MTMR7: variants seen among roughly 807,000 people sequenced by gnomAD.
The protein encoded by MTMR7 is myotubularin related protein 7.
Under a neutral mutation model 81.2 loss-of-function variants are expected in MTMR7, and 76 were observed. The ratio of observed to expected loss-of-function variants is 0.94; its 90% confidence interval spans 0.78 to 1.13. The LOEUF (loss-of-function observed/expected upper bound fraction) is 1.13. MTMR7 is among the 50% of genes most tolerant of loss of function. MTMR7 has a pLI of 0.00. For synonymous variants in MTMR7, 372 were observed against 289.8 expected (o/e 1.28, Z -2.88); for missense variants, 1,044 against 820.0 (o/e 1.27, Z -3.34).
At chr8:17,321,606 T>C (rs757026555) in intron 7 of MTMR7, among the ~76,000 whole-genome samples, 22 of 152,238 alleles carry the variant, frequency 1.4e-4, no homozygotes, top group Admixed American at 7.2e-4. Context: ...TTTTTAAATA[T>C]AAAACTGTTG....
intron 1 of MTMR7, among the ~76,000 whole-genome samples, chr8:17,390,084 A>G (rs11203850): frequency 1.4e-4 from 21 of 151,426 alleles, no homozygotes; most frequent in Non-Finnish European, 2.1e-4. Context: ...AAAAAAAAAA[A>G]AAAAGAAATC....
rs200314031 is a variant in MTMR7, at chr8:17,300,227, A to C, written c.1621-3T>G. Reference sequence around the variant, plus strand: ...ACCTTTTGAATTTTTTCCAGCCTCTAAGAAAGAAATAACAATTTCAGGGGA... The same window carrying C: ...ACCTTTTGAATTTTTTCCAGCCTCTCAGAAAGAAATAACAATTTCAGGGGA... On this transcript the variant is annotated splice_region_variant and splice_polypyrimidine_tract_variant and intron_variant, in intron 13 of 13. Transcript: ENST00000180173. The C allele has an allele frequency of 6.3e-7, 1 of 1,596,466 alleles. No individual in the cohort carries two copies.
In MTMR7 at chr8:17,322,950, C is replaced by CTTT. The variant is rs58584179; in HGVS notation, c.865+8197_865+8199dup. Among the ~76,000 whole-genome samples the CTTT allele has an allele frequency of 8.3e-4, 104 of 125,752 alleles. 1 individual carries two copies. The highest frequency in any genetic ancestry group is 2.5e-3 in the African/African-American group (79 of 31,862). 82.5% of individuals were successfully genotyped at this position (125,752 alleles called of 152,430 possible). A position where few individuals can be genotyped will look rare whatever the true frequency, so the allele number is the denominator to read the frequency against. On this transcript the variant is annotated intron_variant, in intron 7 of 13. Coordinates refer to ENST00000180173, the MANE Select transcript of MTMR7 (RefSeq NM_004686.5). The stretch of plus-strand genomic sequence containing the variant: ...TCCCATCTAGAGTGGATTGAATTAT[C>CTTT]TTTTTTTTTTTTTTTTTGAGACAGT...
intron 9 of MTMR7, among the ~76,000 whole-genome samples, chr8:17,310,892 T>C (rs1007428844): frequency 2.0e-5 from 3 of 148,832 alleles, no homozygotes; most frequent in African/African-American, 7.8e-5. Flanking sequence ...TAGTGAAAAC[T>C]TCACCATCCC....
chr8:17,382,995 T>A (rs1820806219), intron 1 of MTMR7, among the ~76,000 whole-genome samples: 1 of 151,660 alleles, frequency 6.6e-6, no homozygotes, highest in Non-Finnish European at 1.5e-5. Context: ...GGACAGAATG[T>A]CTTGAGAGCG....
At chr8:17,385,570 C>T (rs543842581) in intron 1 of MTMR7, among the ~76,000 whole-genome samples, 1 of 152,368 alleles carries the variant, frequency 6.6e-6, no homozygotes, top group African/African-American at 2.4e-5. Flanking sequence ...CCATGTAGAA[C>T]TGTGAGTCCA....
chr8:17,351,065 C>T (rs894114413), intron 4 of MTMR7, among the ~76,000 whole-genome samples: 3 of 152,178 alleles, frequency 2.0e-5, no homozygotes, highest in East Asian at 1.9e-4. Context: ...AAGACTATGA[C>T]GTGGACCACA....
In MTMR7 at chr8:17,309,026, A is replaced by C. The variant is rs1195603021; in HGVS notation, c.1151+251T>G. On this transcript the variant is annotated intron_variant, in intron 10 of 13. Transcript: ENST00000180173. The stretch of plus-strand genomic sequence containing the variant: ...AGGAAGGGAAGGCTGATCCTCACTA[A>C]GACAATGAACAAGCATTCTCTGTCT... Among the ~76,000 whole-genome samples, 86 of 152,246 alleles carry C rather than the reference A, an allele frequency of 5.6e-4. 2 individuals carry two copies. The highest frequency in any genetic ancestry group is 2.9e-5 in the Non-Finnish European group (2 of 68,042).
intron 7 of MTMR7, among the ~76,000 whole-genome samples, chr8:17,328,451 T>C (rs1280550742): frequency 6.6e-6 from 1 of 151,446 alleles, no homozygotes; most frequent in Middle Eastern, 3.2e-3. Context: ...TTATCCTCAG[T>C]AAACTAACTC....
chr8:17,413,166 G>A (rs932889979), intron 1 of MTMR7, 103 bp downstream of exon 1: 12 of 1,356,288 alleles, frequency 8.8e-6, no homozygotes, highest in Non-Finnish European at 1.2e-5. Context: ...TCCAGGCTCC[G>A]CCGGTGCCCC....
At chr8:17,362,601 T>C (rs190772723) in intron 3 of MTMR7, among the ~76,000 whole-genome samples, 1 of 152,178 alleles carries the variant, frequency 6.6e-6, no homozygotes, top group African/African-American at 2.4e-5. Context: ...GCAGAAGGCC[T>C]GCTCCTAATT....
At chr8:17,386,344 T>C (rs987685374) in intron 1 of MTMR7, among the ~76,000 whole-genome samples, 4 of 152,176 alleles carry the variant, frequency 2.6e-5, no homozygotes, top group Non-Finnish European at 5.9e-5. Flanking sequence ...TGCCACTGCA[T>C]TGCAGGCTGG....
At chr8:17,316,962 C>T (rs1221500125) in intron 7 of MTMR7, among the ~76,000 whole-genome samples, 1 of 152,170 alleles carries the variant, frequency 6.6e-6, no homozygotes, top group East Asian at 1.9e-4. Flanking sequence ...TATGCTCTCA[C>T]CAGTAGGTTG....
At chr8:17,307,188 T>A (rs1010422798) in intron 10 of MTMR7, among the ~76,000 whole-genome samples, 4 of 151,730 alleles carry the variant, frequency 2.6e-5, no homozygotes, top group African/African-American at 9.7e-5. Flanking sequence ...CAAACAAATT[T>A]ACAAGAAAAA....
At chr8:17,407,856 C>A (rs1051222337) in intron 1 of MTMR7, among the ~76,000 whole-genome samples, 3 of 152,084 alleles carry the variant, frequency 2.0e-5, no homozygotes, top group Admixed American at 2.0e-4. Flanking sequence ...GAAGAGATAA[C>A]CCTTGGAGCT....
At position 17,371,851 on chromosome 8, in the gene MTMR7, G is replaced by GT. The variant is rs33920646; in HGVS notation, c.148-653dup. ...TGAGCATGGCCATCACTTACCTATA[G>GT]TTTTTTTTTTTTTTTTTTTTTTTTA... is the stretch of plus-strand genomic sequence containing the variant. On this transcript the variant is annotated intron_variant, in intron 2 of 13. Coordinates refer to ENST00000180173, the MANE Select transcript of MTMR7 (RefSeq NM_004686.5). Among the ~76,000 whole-genome samples the GT allele has an allele frequency of 9.7e-3, 1,013 of 104,676 alleles. 11 individuals carry two copies. Among genetic ancestry groups the GT allele is most frequent in the African/African-American group, 0.018 (491 of 27,450 alleles). 68.7% of individuals were successfully genotyped at this position (104,676 alleles called of 152,430 possible). A position where few individuals can be genotyped will look rare whatever the true frequency, so the allele number is the denominator to read the frequency against.
chr8:17,371,140 A>G lies in MTMR7; in HGVS notation c.207T>C (p.Pro69=). 2 of 1,614,232 alleles carry G rather than the reference A, an allele frequency of 1.2e-6. No homozygotes were observed. The highest frequency in any genetic ancestry group is 1.7e-6 in the Non-Finnish European group (2 of 1,180,036). The change falls in exon 3 of 14, where the codon CCT becomes CCC. Residue 69 remains proline, a synonymous_variant. Coordinates refer to ENST00000180173, the MANE Select transcript of MTMR7 (RefSeq NM_004686.5). ...EKQATTATGC[P]LLIRCKNFQI... ...GAAAGTTCTTGCAGCGAATCAGCAG[A>G]GGGCATCCGGTAGCGGTTGTTGCCT...
intron 1 of MTMR7, among the ~76,000 whole-genome samples, chr8:17,402,872 G>T (rs1256292207): frequency 6.6e-6 from 1 of 152,172 alleles, no homozygotes; most frequent in Non-Finnish European, 1.5e-5. Flanking sequence ...AACAGTGCAT[G>T]AGAGTTCCCT....
Position 17,299,999 on chromosome 8 carries a change from C to G in MTMR7, c.1846G>C (p.Asp616His). 1 of 1,614,138 alleles carries G rather than the reference C, an allele frequency of 6.2e-7. No individual in the cohort carries two copies. The highest frequency in any genetic ancestry group is 1.1e-5 in the South Asian group (1 of 91,084). Residue 616 changes from aspartate (D) to histidine (H), a missense_variant, in exon 14 of 14, where the codon GAT (aspartate) becomes CAT (histidine). By Grantham distance (81) the Asp-to-His change is moderately conservative (BLOSUM62 -1). Transcript: ENST00000180173. ...TCTTGGTCACTGTTGGCTGACAGATCTGGATCTGAACTTTTCAGATTGTCT... is the reference window on the plus strand; with the variant it reads ...TCTTGGTCACTGTTGGCTGACAGATGTGGATCTGAACTTTTCAGATTGTCT... The part of the protein sequence containing the change: ...TQDNLKSSDP[D>H]LSANSDQESG...
Sources: allele counts gnomAD v4.1 joint callset (sites outside exome capture counted in the v4.1 genomes callset), GRCh38; gene constraint gnomAD v4.1.1; transcripts MANE v1.5; gene names NCBI Gene and HGNC (gene_info 2026-07-23, HGNC 2026-07-21).